The following CNTN4 variants were observed in gnomAD, a reference collection of about 807,000 sequenced individuals.
The protein encoded by CNTN4 is contactin-4.
In CNTN4, 77 loss-of-function variants were observed where a neutral mutation model predicts 122.5. The observed-to-expected ratio is 0.63, with a 90% CI of 0.52 to 0.76. The LOEUF (loss-of-function observed/expected upper bound fraction) is 0.76. Among genes scored for constraint, CNTN4 ranks in the 30% least tolerant of loss-of-function variants. The pLI, the probability that CNTN4 is intolerant of heterozygous loss-of-function variation, is 0.00. For synonymous variants in CNTN4, 512 were observed against 447.0 expected (o/e 1.15, Z -1.83); for missense variants, 1,256 against 1,259.1 (o/e 1.00, Z 0.04).
intron 3 of CNTN4, among the ~76,000 whole-genome samples, chr3:2,381,082 T>G (rs1002564798): frequency 1.3e-5 from 2 of 151,994 alleles, no homozygotes; most frequent in Non-Finnish European, 2.9e-5. Flanking sequence ...CTCGGCTCAC[T>G]GCAACCTCTG....
intron 2 of CNTN4, among the ~76,000 whole-genome samples, chr3:2,269,205 AG>A (rs1489629566): frequency 9.2e-5 from 14 of 152,152 alleles, no homozygotes; most frequent in African/African-American, 3.4e-4. Context: ...TAGTGCTCAG[AG>A]GCCTTTGTTT....
At chr3:3,028,589 A>AGAT (rs1300267407) in intron 15 of CNTN4, among the ~76,000 whole-genome samples, 2 of 152,200 alleles carry the variant, frequency 1.3e-5, no homozygotes, top group African/African-American at 4.8e-5. Context: ...TGAATTAGAT[A>AGAT]GATGGTATAG....
intron 2 of CNTN4, among the ~76,000 whole-genome samples, chr3:2,187,348 A>C (rs963731310): frequency 3.9e-5 from 6 of 152,112 alleles, no homozygotes; most frequent in Non-Finnish European, 8.8e-5. Flanking sequence ...GTATTGTTTG[A>C]AGTCAGGTAG....
At chr3:2,328,472 G>T (rs1044276071) in intron 2 of CNTN4, among the ~76,000 whole-genome samples, 7 of 152,070 alleles carry the variant, frequency 4.6e-5, no homozygotes, top group African/African-American at 1.4e-4. Context: ...GAATAATCTC[G>T]CATCATGTAA....
At chr3:2,590,189 T>A (rs1304197811) in intron 4 of CNTN4, among the ~76,000 whole-genome samples, 1 of 152,206 alleles carries the variant, frequency 6.6e-6, no homozygotes, top group Non-Finnish European at 1.5e-5. Flanking sequence ...GCATTTCTAA[T>A]CCATTCTCCA....
At chr3:2,648,764 TA>T (rs1305119003) in intron 4 of CNTN4, among the ~76,000 whole-genome samples, 1 of 152,210 alleles carries the variant, frequency 6.6e-6, no homozygotes, top group Non-Finnish European at 1.5e-5. Context: ...GAATTGACCT[TA>T]ATGAGGAAGG....
At position 2,179,478 on chromosome 3, in the gene CNTN4, C is replaced by T. The variant is rs112260848; in HGVS notation, c.-145+78839C>T. ...AACTTCAACTTCCAGCATGGATGAA[C>T]GCTTTCCCTGTAGTAGCTATAACAA... On this transcript the variant is annotated intron_variant, in intron 2 of 24. Coordinates refer to ENST00000418658, the MANE Select transcript of CNTN4 (RefSeq NM_175607.3). Among the ~76,000 whole-genome samples, 854 of 152,062 alleles carry T rather than the reference C, an allele frequency of 5.6e-3. 6 individuals are homozygous for T. The highest frequency in any genetic ancestry group is 0.019 in the African/African-American group (780 of 41,534).
intron 4 of CNTN4, among the ~76,000 whole-genome samples, chr3:2,607,375 G>A (rs562352885): frequency 3.5e-4 from 53 of 152,134 alleles, no homozygotes; most frequent in African/African-American, 9.2e-4. Flanking sequence ...TAGCAAAATG[G>A]TAGAAGCAAC....
intron 6 of CNTN4, among the ~76,000 whole-genome samples, chr3:2,792,770 G>C (rs1035457410): frequency 7.2e-5 from 11 of 152,316 alleles, no homozygotes; most frequent in African/African-American, 1.9e-4. Flanking sequence ...TAGGGTGGGA[G>C]AGAGAAATCC....
intron 14 of CNTN4, among the ~76,000 whole-genome samples, chr3:3,010,245 A>G (rs544868638): frequency 1.8e-4 from 27 of 152,068 alleles, no homozygotes; most frequent in Admixed American, 4.6e-4. Flanking sequence ...AATTGATTTT[A>G]AACAGCATCT....
intron 3 of CNTN4, among the ~76,000 whole-genome samples, chr3:2,460,616 G>T (rs1343645961): frequency 1.2e-4 from 18 of 152,052 alleles, no homozygotes; most frequent in Admixed American, 1.2e-3. Context: ...TGAAGATGAT[G>T]GTTTTCCCTA....
chr3:2,937,650 T>G (rs971883014), intron 13 of CNTN4, among the ~76,000 whole-genome samples: 4 of 152,178 alleles, frequency 2.6e-5, no homozygotes, highest in African/African-American at 9.7e-5. Flanking sequence ...ACTGTGACCA[T>G]GTATACACAC....
Position 2,269,906 on chromosome 3 carries a change from GTTTGTTTGTTTATTTATTTA to G in CNTN4, c.-144-69268_-144-69249del, listed in dbSNP as rs1248492925. Among the ~76,000 whole-genome samples the G allele has an allele frequency of 1.0e-4, 2 of 19,322 alleles. 1 individual carries two copies. The highest frequency in any genetic ancestry group is 4.2e-4 in the Non-Finnish European group (2 of 4,790). The allele number at this position is 19,322 out of a possible 152,430, so 12.7% of individuals were successfully genotyped here. Reference sequence around the variant, plus strand: ...ATCCCCTATTATAGCCAGTTTGTTTGTTTGTTTGTTTATTTATTTATTTATTTATTTATTTATTTATTTAT... The same window carrying G: ...ATCCCCTATTATAGCCAGTTTGTTTGTTTATTTATTTATTTATTTATTTAT... On this transcript the variant is annotated intron_variant, in intron 2 of 24. Coordinates refer to ENST00000418658, the MANE Select transcript of CNTN4 (RefSeq NM_175607.3).
chr3:2,127,381 A>G (rs1444049561), intron 2 of CNTN4, among the ~76,000 whole-genome samples: 1 of 152,062 alleles, frequency 6.6e-6, no homozygotes, highest in Admixed American at 6.5e-5. Flanking sequence ...TAAACTCAAT[A>G]TTTGATCAAA....
intron 14 of CNTN4, among the ~76,000 whole-genome samples, chr3:3,024,005 A>T: frequency 6.6e-6 from 1 of 152,202 alleles, no homozygotes; most frequent in East Asian, 1.9e-4. Flanking sequence ...GTTAGGAATA[A>T]ATGAAATAAT....
At chr3:2,509,051 G>C (rs1255972845) in intron 3 of CNTN4, among the ~76,000 whole-genome samples, 4 of 152,142 alleles carry the variant, frequency 2.6e-5, no homozygotes, top group Non-Finnish European at 5.9e-5. Flanking sequence ...CATAATCAAA[G>C]ATTAATCAAA....
At chr3:2,247,346 T>A (rs2040196189) in intron 2 of CNTN4, among the ~76,000 whole-genome samples, 1 of 152,002 alleles carries the variant, frequency 6.6e-6, no homozygotes, top group South Asian at 2.1e-4. Flanking sequence ...CAGATCTACT[T>A]TTCTGTGCTT....
At chr3:2,101,434 A>C (rs1469651918) in intron 2 of CNTN4, among the ~76,000 whole-genome samples, 1 of 152,230 alleles carries the variant, frequency 6.6e-6, no homozygotes, top group African/African-American at 2.4e-5. Context: ...CATAATATGC[A>C]TTAGCTTCAA....
Position 2,138,355 on chromosome 3 carries a change from A to G in CNTN4, c.-145+37716A>G, listed in dbSNP as rs541532753. On this transcript the variant is annotated intron_variant, in intron 2 of 24. Coordinates refer to ENST00000418658, the MANE Select transcript of CNTN4 (RefSeq NM_175607.3). ...AGTGCCGGGATTACAGGTGTGAGCTACCGTGCCCAGCCCCAGTATGTCTTC... is the reference window on the plus strand; with the variant it reads ...AGTGCCGGGATTACAGGTGTGAGCTGCCGTGCCCAGCCCCAGTATGTCTTC... Among the ~76,000 whole-genome samples, 5 of 152,250 alleles carry G rather than the reference A, an allele frequency of 3.3e-5. No homozygotes were observed. In the South Asian group the frequency reaches 6.2e-4, roughly 19 times the overall value.
Sources: gnomAD v4.1 joint callset for allele counts (sites outside exome capture counted in the v4.1 genomes callset) on GRCh38, gnomAD v4.1.1 for gene constraint, MANE v1.5 for transcripts, NCBI Gene and HGNC (gene_info 2026-07-23, HGNC 2026-07-21) for gene names.